SLC3A1: variants seen among roughly 807,000 people sequenced by gnomAD.
SLC3A1 encodes amino acid transporter heavy chain SLC3A1.
Under a neutral mutation model 60.3 loss-of-function variants are expected in SLC3A1, and 78 were observed. The observed-to-expected ratio is 1.29, with a 90% CI of 1.08 to 1.56. The LOEUF is 1.56. SLC3A1 is among the 40% of genes most tolerant of loss of function. The pLI, the probability that SLC3A1 is intolerant of heterozygous loss-of-function variation, is 0.00. For synonymous variants in SLC3A1, 392 were observed against 307.9 expected, an observed-to-expected ratio of 1.27 and a Z score of -2.86; for missense variants, 1,172 against 858.9, an observed-to-expected ratio of 1.36 and a Z score of -4.56.
downstream of SLC3A1, chr2:44,321,592 G>T: frequency 6.7e-7 from 1 of 1,487,118 alleles, no homozygotes; most frequent in East Asian, 2.5e-5. Context: ...AGAGGCAGAA[G>T]GCTTCCAACA....
chr2:44,318,737 T>A (rs529174917), intron 9 of SLC3A1: 1 of 152,146 alleles, frequency 6.6e-6, no homozygotes, highest in Non-Finnish European at 1.5e-5. Context: ...ATTCTTGTAA[T>A]TGAATAAAAA....
intron 9 of SLC3A1, chr2:44,319,756 G>C (rs1249825436): frequency 1.3e-5 from 2 of 159,200 alleles, no homozygotes; most frequent in Non-Finnish European, 2.8e-5. Flanking sequence ...TCGCACAACA[G>C]CAACCTACAC....
At chr2:44,313,590 A>G (rs1192937195) in intron 8 of SLC3A1, among the ~76,000 whole-genome samples, 1 of 152,222 alleles carries the variant, frequency 6.6e-6, no homozygotes, top group East Asian at 1.9e-4. Context: ...AGAGATTTCA[A>G]GCATGTATTA....
rs773136265 is a variant in SLC3A1 at position 44,281,553 on chromosome 2, C to G, written c.765+12C>G. The G allele has an allele frequency of 1.9e-6, 3 of 1,613,428 alleles. No individual in the cohort carries two copies. The highest frequency in any genetic ancestry group is 1.7e-4 in the Middle Eastern group (1 of 6,060). ...CACCCAACAACTGGGTAAGTATCAA[C>G]CTGTCTGACTTACAAAGGGGTAAAA... On this transcript the variant is annotated intron_variant, in intron 3 of 9. Transcript: ENST00000260649.
chr2:44,300,293 C>T lies in SLC3A1; in HGVS notation c.1011+203C>T, dbSNP rs72802978. Among the ~76,000 whole-genome samples the T allele has an allele frequency of 0.085, 12,901 of 152,090 alleles. 607 individuals carry two copies. Among genetic ancestry groups the T allele is most frequent in the Non-Finnish European group, 0.1 (7,120 of 68,010 alleles). On this transcript the variant is annotated intron_variant, in intron 5 of 9. Coordinates refer to ENST00000260649, the MANE Select transcript of SLC3A1 (RefSeq NM_000341.4). The stretch of plus-strand genomic sequence containing the variant: ...TTTTTTCCACTGGTTCCCTCCAGAG[C>T]GAGGGATCCCTTGAGGAGTCCTTCA...
chr2:44,320,111 G>T, intron 9 of SLC3A1, 88 bp from the exon 10 acceptor site: 1 of 1,196,560 alleles, frequency 8.4e-7, no homozygotes. Context: ...AAGTGTTTTG[G>T]GTAAATAACT....
chr2:44,277,103 CTT>C (rs1222833364), intron 1 of SLC3A1, among the ~76,000 whole-genome samples: 2 of 94,838 alleles, frequency 2.1e-5, no homozygotes, highest in Middle Eastern at 7.4e-3. Context: ...TCTCTCTCTT[CTT>C]TTTTTTTTTT....
At chr2:44,279,359 C>T (rs149974370) in intron 1 of SLC3A1, among the ~76,000 whole-genome samples, 1 of 152,240 alleles carries the variant, frequency 6.6e-6, no homozygotes, top group East Asian at 1.9e-4. Context: ...CTTTGCTGTG[C>T]CTGGAAGCCC....
At chr2:44,308,446 G>C (rs560411852) in intron 7 of SLC3A1, among the ~76,000 whole-genome samples, 2 of 152,220 alleles carry the variant, frequency 1.3e-5, no homozygotes, top group South Asian at 2.1e-4. Context: ...ATGCCATCTT[G>C]TCTTCTAATC....
intron 7 of SLC3A1, among the ~76,000 whole-genome samples, chr2:44,308,111 C>T (rs1002731894): frequency 6.6e-6 from 1 of 152,008 alleles, no homozygotes; most frequent in Non-Finnish European, 1.5e-5. Context: ...GAACTCCAGC[C>T]TGGGTGACAG....
chr2:44,308,208 A>G (rs114158395), intron 7 of SLC3A1, among the ~76,000 whole-genome samples: 1,717 of 152,332 alleles, frequency 0.011, 37 homozygotes, highest in African/African-American at 0.04. Flanking sequence ...CTGTTCATCT[A>G]TATGTCTGTC....
rs184962633 is a variant in SLC3A1, at chr2:44,308,757, G to C, written c.1333-3829G>C. 2.0e-3 allele frequency among the ~76,000 whole-genome samples: 307 copies of C among 151,570 alleles called. 1 individual carries two copies. The highest frequency in any genetic ancestry group is 7.2e-3 in the African/African-American group (298 of 41,280). ...ATTTTTTTTTTTTTAATTTGAGGCA[G>C]AGTCTTGCTCTGTTGCCCAGGCTGG... On this transcript the variant is annotated intron_variant, in intron 7 of 9. Coordinates refer to ENST00000260649, the MANE Select transcript of SLC3A1 (RefSeq NM_000341.4).
chr2:44,281,489 T>C lies in SLC3A1; in HGVS notation c.713T>C (p.Ile238Thr), dbSNP rs1364228578. The C allele has an allele frequency of 1.2e-6, 2 of 1,613,858 alleles. No homozygotes were observed. Among genetic ancestry groups the C allele is most frequent in the African/African-American group, 2.7e-5 (2 of 74,922 alleles). ...TRTGKYTDYY[I>T]WHDCTHENGK... ...ACAGGAAAATATACTGATTATTATATCTGGCATGACTGTACCCATGAAAAT... is the reference window on the plus strand; with the variant it reads ...ACAGGAAAATATACTGATTATTATACCTGGCATGACTGTACCCATGAAAAT... The change falls in exon 3 of 10, where the codon ATC becomes ACC. Residue 238 changes from isoleucine (I) to threonine (T), a missense_variant. By Grantham distance (89) the Ile-to-Thr change is moderately conservative. Coordinates refer to ENST00000260649, the MANE Select transcript of SLC3A1 (RefSeq NM_000341.4).
chr2:44,304,584 TG>T (rs900413893), intron 7 of SLC3A1, among the ~76,000 whole-genome samples: 2 of 152,126 alleles, frequency 1.3e-5, no homozygotes, highest in African/African-American at 4.8e-5. Flanking sequence ...CTAGGCTTTT[TG>T]GGGATGGATA....
rs56875414 is a variant in SLC3A1, at chr2:44,314,118, T to C, written c.1617+167T>C. 7.9e-4 allele frequency: 1,182 copies of C among 1,488,920 alleles called. 17 individuals are homozygous for C. In the African/African-American group the frequency reaches 0.015, roughly 19 times the overall value. 92.2% of individuals were successfully genotyped at this position (1,488,920 alleles called of 1,614,324 possible). A position where few individuals can be genotyped will look rare whatever the true frequency, so the allele number is the denominator to read the frequency against. On this transcript the variant is annotated intron_variant, in intron 9 of 9. Coordinates refer to ENST00000260649, the MANE Select transcript of SLC3A1 (RefSeq NM_000341.4). ...TGTAAGGAGTTTGTAAATCATGCCT[T>C]TGTGAAAATACAAACTGGTACAAAT...
At chr2:44,301,249 T>A in intron 6 of SLC3A1, 122 bp downstream of exon 6, 3 of 1,287,330 alleles carry the variant, frequency 2.3e-6, no homozygotes, top group Non-Finnish European at 3.3e-6. Flanking sequence ...ATAACTCTAA[T>A]TGATTACAGT....
chr2:44,304,085 G>A, intron 6 of SLC3A1, 58 bp from the exon 7 acceptor site: 1 of 1,330,626 alleles, frequency 7.5e-7, no homozygotes, highest in South Asian at 1.2e-5. Flanking sequence ...CAGCTGTGGA[G>A]TGCCTTCCCA....
intron 9 of SLC3A1, chr2:44,318,052 TATTTGCAC>T (rs1672576706): frequency 4.7e-6 from 2 of 427,092 alleles, no homozygotes; most frequent in Admixed American, 5.4e-5. Flanking sequence ...TACTTAGAAA[TATTTGCAC>T]ATGTGCACAA....
chr2:44,280,709 TC>T lies in SLC3A1; in HGVS notation c.431-6del, dbSNP rs1671475072. The stretch of plus-strand genomic sequence containing the variant: ...GGTTTATTCATGACTTTGACTTTTT[TC>T]TTCAGGTATTCAAGATAAACTGGAC... On this transcript the variant is annotated splice_region_variant and splice_polypyrimidine_tract_variant and intron_variant, in intron 1 of 9. Transcript: ENST00000260649. 1.3e-6 allele frequency: 2 copies of T among 1,599,110 alleles called. No individual in the cohort carries two copies. Among genetic ancestry groups the T allele is most frequent in the Non-Finnish European group, 1.7e-6 (2 of 1,166,950 alleles).
Sources: gnomAD v4.1 joint callset for allele counts (sites outside exome capture counted in the v4.1 genomes callset) on GRCh38, gnomAD v4.1.1 for gene constraint, MANE v1.5 for transcripts, NCBI Gene and HGNC (gene_info 2026-07-23, HGNC 2026-07-21) for gene names.